Variants in RPRD2 observed in about 807,000 individuals in gnomAD.
RPRD2 encodes the protein regulation of nuclear pre-mRNA domain containing 2.
A neutral mutation model predicts 104.4 loss-of-function variants in RPRD2; 12 were observed. The ratio of observed to expected loss-of-function variants is 0.11; its 90% confidence interval spans 0.07 to 0.19. The LOEUF is 0.19. Ranked by LOEUF, RPRD2 falls within the 10% of genes least tolerant of loss-of-function variation. The pLI is 1.00. For synonymous variants in RPRD2, 714 were observed against 684.9 expected, an observed-to-expected ratio of 1.04 and a Z score of -0.66; for missense variants, 1,543 against 1,790.1, an observed-to-expected ratio of 0.86 and a Z score of 2.49.
intron 1 of RPRD2, among the ~76,000 whole-genome samples, chr1:150,369,807 G>A (rs1404487902): frequency 2.0e-5 from 3 of 148,650 alleles, no homozygotes; most frequent in Non-Finnish European, 4.5e-5. Flanking sequence ...TTGATGCAGA[G>A]TCTCACTCTG....
chr1:150,431,484 T>TGTTTGTTTGTTTGTTTTTTTG (rs1183451438), intron 2 of RPRD2, among the ~76,000 whole-genome samples: 31 of 141,902 alleles, frequency 2.2e-4, no homozygotes, highest in African/African-American at 7.3e-4. Flanking sequence ...TTTTTTTTTT[T>TGTTTGTTTGTTTGTTTTTTTG]TTTTTTTTTT....
rs587774771 is a variant in RPRD2, at chr1:150,398,664, C to G, written c.206-18932C>G. The stretch of plus-strand genomic sequence containing the variant: ...GTTTAAGCCATTCTCCTCCTTCAGC[C>G]TCCGGAGTAGCTGGGATTACAGGTG... On this transcript the variant is annotated intron_variant, in intron 1 of 10. Transcript: ENST00000369068. Among the ~76,000 whole-genome samples the G allele has an allele frequency of 4.6e-5, 7 of 152,062 alleles. No homozygotes were observed. In the East Asian group the frequency reaches 1.4e-3, roughly 29 times the overall value.
At chr1:150,448,849 C>T (rs1666972425) in intron 7 of RPRD2, among the ~76,000 whole-genome samples, 2 of 152,144 alleles carry the variant, frequency 1.3e-5, no homozygotes, top group Non-Finnish European at 2.9e-5. Flanking sequence ...TGAGTTGAGT[C>T]CTCTATTTTC....
chr1:150,472,265 T>C lies in RPRD2; in HGVS notation c.3317T>C (p.Val1106Ala). 6.2e-7 allele frequency: 1 copy of C among 1,613,862 alleles called. No homozygotes were observed. The highest frequency in any genetic ancestry group is 8.5e-7 in the Non-Finnish European group (1 of 1,179,856). The stretch of plus-strand genomic sequence containing the variant: ...ATGTCAGGGGAGCCGATCCAGACCG[T>C]AGAGTCCATCCGAGTTCCTGGGAAG... ...RRMSGEPIQT[V>A]ESIRVPGKGN... The change falls in exon 11 of 11, where the codon GTA becomes GCA. Residue 1106 changes from valine to alanine, a missense_variant. By Grantham distance (64) the Val-to-Ala change is moderately conservative (BLOSUM62 0). Transcript: ENST00000369068.
At chr1:150,388,345 C>T (rs1029984205) in intron 1 of RPRD2, among the ~76,000 whole-genome samples, 2 of 115,246 alleles carry the variant, frequency 1.7e-5, no homozygotes, top group Non-Finnish European at 3.7e-5. Context: ...TGTGTATATA[C>T]ACACACATAT....
At chr1:150,388,211 C>T (rs1553882324) in intron 1 of RPRD2, among the ~76,000 whole-genome samples, 1 of 151,884 alleles carries the variant, frequency 6.6e-6, no homozygotes. Flanking sequence ...AGCCACTGCA[C>T]CTGGCCCAGA....
intron 9 of RPRD2, 23 bp downstream of exon 9, chr1:150,460,340 A>AT (rs1553898574): frequency 1.9e-6 from 3 of 1,584,964 alleles, no homozygotes; most frequent in Non-Finnish European, 2.6e-6. Flanking sequence ...AGTAAGGAGG[A>AT]TAAAAAGTTA....
chr1:150,455,725 A>C (rs1421781269), intron 7 of RPRD2, among the ~76,000 whole-genome samples: 1 of 152,184 alleles, frequency 6.6e-6, no homozygotes, highest in Non-Finnish European at 1.5e-5. Context: ...TCATACTGAT[A>C]TAAGATGTTA....
At chr1:150,393,589 ATTAC>A (rs1338425909) in intron 1 of RPRD2, among the ~76,000 whole-genome samples, 4 of 152,020 alleles carry the variant, frequency 2.6e-5, no homozygotes, top group Non-Finnish European at 5.9e-5. Context: ...ATTATAGATT[ATTAC>A]TTTATTGTAG....
In RPRD2 at chr1:150,473,050, A is replaced by C; in HGVS notation, c.4102A>C (p.Ser1368Arg). The C allele has an allele frequency of 6.2e-7, 1 of 1,613,978 alleles. No homozygotes were observed. Among genetic ancestry groups the C allele is most frequent in the South Asian group, 1.1e-5 (1 of 91,080 alleles). ...CCCTGGCCTTAGCCGTGTACGAGAGAGCCTCACCCTACCCTCCCATTCTCT... is the reference window on the plus strand; with the variant it reads ...CCCTGGCCTTAGCCGTGTACGAGAGCGCCTCACCCTACCCTCCCATTCTCT... Reference protein sequence around the residue: ...NGPGLSRVRESLTLPSHSLEH... With the variant: ...NGPGLSRVRERLTLPSHSLEH... Residue 1368 changes from serine to arginine, a missense_variant, in exon 11 of 11, where the codon AGC becomes CGC. Ser to Arg is a moderately radical substitution (Grantham distance 110). Transcript: ENST00000369068.
intron 1 of RPRD2, among the ~76,000 whole-genome samples, chr1:150,406,635 A>G (rs777987093): frequency 1.3e-5 from 2 of 151,874 alleles, no homozygotes; most frequent in East Asian, 1.9e-4. Flanking sequence ...CTGACCTCAA[A>G]TGATCCTCCT....
chr1:150,442,628 A>G (rs1399109813), intron 4 of RPRD2, among the ~76,000 whole-genome samples: 1 of 152,210 alleles, frequency 6.6e-6, no homozygotes, highest in Non-Finnish European at 1.5e-5. Flanking sequence ...TGCTCCAGCG[A>G]GCATATGATA....
chr1:150,393,067 G>A (rs1662211550), intron 1 of RPRD2, among the ~76,000 whole-genome samples: 1 of 151,736 alleles, frequency 6.6e-6, no homozygotes, highest in South Asian at 2.1e-4. Context: ...TATATAGAGA[G>A]ACATATCTAA....
chr1:150,471,294 C>T lies in RPRD2; in HGVS notation c.2346C>T (p.Leu782=). ...PGRDESYPRE[L]SNSVSTYRPF... is the part of the protein sequence containing the mutation. ...GAGATGAAAGCTACCCCCGAGAGCT[C>T]TCCAATTCTGTATCTACATATCGAC... The change falls in exon 11 of 11, where the codon CTC becomes CTT. Residue 782 remains leucine, a synonymous_variant. Coordinates refer to ENST00000369068, the MANE Select transcript of RPRD2 (RefSeq NM_015203.5). This position sits in a 1 kb window ranked among gnomAD's most constrained non-coding sequence, Gnocchi z 5.3. 4 of 1,613,872 alleles carry T rather than the reference C, an allele frequency of 2.5e-6. No homozygotes were observed. Among genetic ancestry groups the T allele is most frequent in the Non-Finnish European group, 2.5e-6 (3 of 1,179,870 alleles).
intron 1 of RPRD2, among the ~76,000 whole-genome samples, chr1:150,379,505 C>T (rs1660972591): frequency 1.3e-5 from 2 of 151,892 alleles, no homozygotes; most frequent in Non-Finnish European, 2.9e-5. Flanking sequence ...CAGGTTCAAG[C>T]GATTCACCTG....
At chr1:150,460,824 G>A (rs1386961856) in intron 9 of RPRD2, among the ~76,000 whole-genome samples, 2 of 151,010 alleles carry the variant, frequency 1.3e-5, no homozygotes, top group African/African-American at 4.9e-5. Context: ...CATCTCCCAG[G>A]TTCAAGCAAT....
At chr1:150,383,794 T>C (rs1661334858) in intron 1 of RPRD2, among the ~76,000 whole-genome samples, 1 of 152,220 alleles carries the variant, frequency 6.6e-6, no homozygotes, top group South Asian at 2.1e-4. Context: ...ATGCATGCTA[T>C]TTTTAGTATC....
Position 150,473,044 on chromosome 1 carries a change from C to T in RPRD2, c.4096C>T (p.Arg1366Ter). ...CAACGGCCCTGGCCTTAGCCGTGTA[C>T]GAGAGAGCCTCACCCTACCCTCCCA... ...DLNGPGLSRV[R>*]ESLTLPSHSL... The change falls in exon 11 of 11, where the codon CGA becomes TGA. Residue 1366 changes from arginine (R) to a stop codon, truncating the protein, a stop_gained. Coordinates refer to ENST00000369068, the MANE Select transcript of RPRD2 (RefSeq NM_015203.5). LOFTEE classifies it high-confidence loss of function. 1.2e-6 allele frequency: 2 copies of T among 1,614,004 alleles called. No individual in the cohort carries two copies. The highest frequency in any genetic ancestry group is 2.2e-5 in the East Asian group (1 of 44,880).
At chr1:150,459,680 C>T (rs1185342166) in intron 8 of RPRD2, among the ~76,000 whole-genome samples, 1 of 151,064 alleles carries the variant, frequency 6.6e-6, no homozygotes, top group African/African-American at 2.4e-5. Flanking sequence ...GCAACCTCTG[C>T]CTCCTGGGTT....
Sources: allele counts gnomAD v4.1 joint callset (sites outside exome capture counted in the v4.1 genomes callset), GRCh38; gene constraint gnomAD v4.1.1; non-coding constraint Gnocchi (gnomAD v3.1); transcripts MANE v1.5; gene names NCBI Gene and HGNC (gene_info 2026-07-23, HGNC 2026-07-21).